NTRK2: variants seen among roughly 807,000 people sequenced by gnomAD.
NTRK2 encodes BDNF/NT-3 growth factors receptor.
In NTRK2, 13 loss-of-function variants were observed where a neutral mutation model predicts 94.5. The observed-to-expected ratio is 0.14, with a 90% CI of 0.09 to 0.22. NTRK2 has a LOEUF of 0.22. Among genes scored for constraint, NTRK2 ranks in the 10% least tolerant of loss-of-function variants. The probability of loss-of-function intolerance (pLI) is 1.00; values close to 1 mark genes in which losing one functional copy is unlikely to be tolerated. For synonymous variants in NTRK2, 372 were observed against 407.4 expected, an observed-to-expected ratio of 0.91 and a Z score of 1.05; for missense variants, 639 against 1,071.2, an observed-to-expected ratio of 0.60 and a Z score of 5.63.
intron 12 of NTRK2, among the ~76,000 whole-genome samples, chr9:84,849,692 T>C (rs1413050411): frequency 6.6e-6 from 1 of 152,130 alleles, no homozygotes; most frequent in Non-Finnish European, 1.5e-5. Flanking sequence ...AGCTAAAAAT[T>C]CAGAGTGGGA....
intron 12 of NTRK2, among the ~76,000 whole-genome samples, chr9:84,791,492 T>A (rs990817302): frequency 2.6e-5 from 4 of 152,144 alleles, no homozygotes; most frequent in Non-Finnish European, 5.9e-5. Context: ...AAAAAGTTCA[T>A]CTGCATAGAG....
At chr9:84,819,607 C>G (rs1487639760) in intron 12 of NTRK2, among the ~76,000 whole-genome samples, 1 of 152,210 alleles carries the variant, frequency 6.6e-6, no homozygotes, top group Non-Finnish European at 1.5e-5. Context: ...CTCAGGGTGT[C>G]TGACCCATGG....
chr9:84,948,647 G>A lies in NTRK2; in HGVS notation c.1937+13G>A, dbSNP rs2289656. 271,102 of 1,612,644 alleles carry A rather than the reference G, an allele frequency of 0.17. 24,178 individuals carry two copies. Among genetic ancestry groups the A allele is most frequent in the Middle Eastern group, 0.22 (1,333 of 6,058 alleles). ...ACAAGTTCCTCAGGTACAGTGAGGC[G>A]GGGAGGTGGGCTCCAGGAGGGAGCA... On this transcript the variant is annotated intron_variant, in intron 16 of 18. Coordinates refer to ENST00000277120, the MANE Select transcript of NTRK2 (RefSeq NM_006180.6).
intron 12 of NTRK2, among the ~76,000 whole-genome samples, chr9:84,783,650 T>C (rs1267760111): frequency 6.6e-6 from 1 of 152,040 alleles, no homozygotes; most frequent in African/African-American, 2.4e-5. Context: ...GTGTGAGAGT[T>C]GGGGAAAGAG....
At chr9:84,964,638 C>T (rs1825344641) in intron 17 of NTRK2, among the ~76,000 whole-genome samples, 1 of 152,192 alleles carries the variant, frequency 6.6e-6, no homozygotes, top group South Asian at 2.1e-4. Flanking sequence ...CTCCATCTCC[C>T]CAACTTAGGG....
chr9:84,679,549 G>A (rs936080940), intron 2 of NTRK2, among the ~76,000 whole-genome samples: 1 of 152,126 alleles, frequency 6.6e-6, no homozygotes, highest in African/African-American at 2.4e-5. Flanking sequence ...CCCACTCTCT[G>A]ACAGTATCAG....
At chr9:84,846,184 G>A (rs935278552) in intron 12 of NTRK2, among the ~76,000 whole-genome samples, 1 of 152,148 alleles carries the variant, frequency 6.6e-6, no homozygotes, top group Non-Finnish European at 1.5e-5. Flanking sequence ...AGGATTCTTG[G>A]CTAACAATAA....
chr9:84,799,699 A>G (rs1048577697), intron 12 of NTRK2, among the ~76,000 whole-genome samples: 3 of 152,040 alleles, frequency 2.0e-5, no homozygotes, highest in Admixed American at 1.3e-4. Context: ...TTGCTATGAG[A>G]ATGATCTCTG....
At chr9:84,985,073 A>C (rs528933994) in intron 17 of NTRK2, among the ~76,000 whole-genome samples, 1 of 152,374 alleles carries the variant, frequency 6.6e-6, no homozygotes, top group South Asian at 2.1e-4. Flanking sequence ...GATTTTAAAA[A>C]TCACATATCT....
intron 12 of NTRK2, among the ~76,000 whole-genome samples, chr9:84,851,490 G>A (rs573602693): frequency 6.6e-6 from 1 of 152,236 alleles, no homozygotes; most frequent in Non-Finnish European, 1.5e-5. Context: ...ATCCTGTTAT[G>A]TTCTATTCCA....
chr9:84,755,223 G>C (rs1033421887), intron 12 of NTRK2, among the ~76,000 whole-genome samples: 1 of 152,168 alleles, frequency 6.6e-6, no homozygotes, highest in African/African-American at 2.4e-5. Flanking sequence ...TTTGTTCCTT[G>C]TTCTGTGGAT....
chr9:84,675,498 G>A (rs1229074297), intron 2 of NTRK2, among the ~76,000 whole-genome samples: 2 of 152,010 alleles, frequency 1.3e-5, no homozygotes, highest in African/African-American at 2.4e-5. Flanking sequence ...AGAGTTTCTT[G>A]TAGGTTCAAA....
intron 12 of NTRK2, among the ~76,000 whole-genome samples, chr9:84,754,915 G>A: frequency 6.6e-6 from 1 of 152,150 alleles, no homozygotes; most frequent in East Asian, 1.9e-4. Context: ...ATCTGTAATG[G>A]AAAACTCGAG....
chr9:84,969,643 A>G (rs1408220847), intron 17 of NTRK2, among the ~76,000 whole-genome samples: 1 of 152,252 alleles, frequency 6.6e-6, no homozygotes, highest in Non-Finnish European at 1.5e-5. Context: ...ATGATCATAA[A>G]TGATGTTTTG....
intron 9 of NTRK2, among the ~76,000 whole-genome samples, chr9:84,733,924 T>C (rs1564151500): frequency 6.6e-6 from 1 of 152,326 alleles, no homozygotes; most frequent in Non-Finnish European, 1.5e-5. Flanking sequence ...CTCATTCAGA[T>C]CTGATGTTTG....
At chr9:84,817,207 T>C (rs2072484681) in intron 12 of NTRK2, among the ~76,000 whole-genome samples, 1 of 152,176 alleles carries the variant, frequency 6.6e-6, no homozygotes, top group African/African-American at 2.4e-5. Flanking sequence ...TGGGTGTACC[T>C]CGGTAAATGT....
intron 9 of NTRK2, among the ~76,000 whole-genome samples, chr9:84,738,196 G>GAGC (rs2063388439): frequency 6.6e-6 from 1 of 151,474 alleles, no homozygotes; most frequent in South Asian, 2.1e-4. Flanking sequence ...CTGATTTGAT[G>GAGC]AGCACTACTA....
chr9:84,670,625 G>T lies in NTRK2; in HGVS notation c.-124G>T, dbSNP rs200378112. On this transcript the variant is annotated 5_prime_UTR_variant, in exon 2 of 19. Coordinates refer to ENST00000277120, the MANE Select transcript of NTRK2 (RefSeq NM_006180.6). ...GCCTCTGATAAGCTGGACTCGGCAC[G>T]CCCGCAACAAGCACCGAGGAGTTAA... is the stretch of plus-strand genomic sequence containing the variant. The T allele has an allele frequency of 7.2e-5, 68 of 946,432 alleles. No homozygotes were observed. In the Middle Eastern group the frequency reaches 9.6e-4, roughly 13 times the overall value. The allele number at this position is 946,432 out of a possible 1,614,324, so 58.6% of individuals were successfully genotyped here.
At chr9:84,872,255 C>G in intron 14 of NTRK2, 2 of 1,125,322 alleles carry the variant, frequency 1.8e-6, no homozygotes, top group Non-Finnish European at 2.2e-6. Context: ...TGCTGAGAAA[C>G]TTTTTGACAG....
Sources: allele counts gnomAD v4.1 joint callset (sites outside exome capture counted in the v4.1 genomes callset), GRCh38; gene constraint gnomAD v4.1.1; transcripts MANE v1.5; gene names NCBI Gene and HGNC (gene_info 2026-07-23, HGNC 2026-07-21).